Variants in ITPRID1 observed in about 807,000 individuals in gnomAD.
ITPRID1 encodes ITPR interacting domain containing 1.
In ITPRID1, 96 loss-of-function variants were observed where a neutral mutation model predicts 95.4. That is an observed-to-expected ratio of 1.01 (90% CI 0.85 to 1.19). The LOEUF (loss-of-function observed/expected upper bound fraction) is 1.19. ITPRID1 is among the 50% of genes most tolerant of loss of function. The probability of loss-of-function intolerance (pLI) is 0.00; values close to 1 mark genes in which losing one functional copy is unlikely to be tolerated. For missense variants in ITPRID1, 1,339 were observed against 1,252.9 expected (o/e 1.07, Z -1.04); for synonymous variants, 510 against 453.6 (o/e 1.12, Z -1.58).
chr7:31,558,330 A>G (rs1784518604), intron 5 of ITPRID1, among the ~76,000 whole-genome samples: 2 of 152,176 alleles, frequency 1.3e-5, no homozygotes, highest in African/African-American at 2.4e-5. Flanking sequence ...CCCCATCCAC[A>G]TCCCTGTTAG....
intron 10 of ITPRID1, among the ~76,000 whole-genome samples, chr7:31,632,164 A>G (rs1789062961): frequency 6.6e-6 from 1 of 152,178 alleles, no homozygotes; most frequent in South Asian, 2.1e-4. Context: ...TATCCTTGAC[A>G]GAGGCAGGGC....
At chr7:31,564,343 T>G (rs1784723368) in intron 5 of ITPRID1, among the ~76,000 whole-genome samples, 1 of 151,830 alleles carries the variant, frequency 6.6e-6, no homozygotes, top group African/African-American at 2.4e-5. Context: ...GTGGGAAAAA[T>G]TTTTTTCTCA....
At chr7:31,608,881 T>G (rs1264083734) in intron 10 of ITPRID1, among the ~76,000 whole-genome samples, 2 of 151,490 alleles carry the variant, frequency 1.3e-5, no homozygotes, top group African/African-American at 2.4e-5. Context: ...GAGGAGAGAG[T>G]GGACATCCTT....
In ITPRID1 at chr7:31,547,468, C is replaced by T. The variant is rs1481198322; in HGVS notation, c.-97-1958C>T. On this transcript the variant is annotated intron_variant, in intron 1 of 14. Transcript: ENST00000615280. ...AGTGCAGAGCAAAGTGGGGGAAAGCCCCCTAAAAAGCCAACAGATCTCATG... is the reference window on the plus strand; with the variant it reads ...AGTGCAGAGCAAAGTGGGGGAAAGCTCCCTAAAAAGCCAACAGATCTCATG... Among the ~76,000 whole-genome samples, 3 of 123,584 alleles carry T rather than the reference C, an allele frequency of 2.4e-5. No individual in the cohort carries two copies. The Admixed American group carries it at 2.5e-4, about 10-fold the overall frequency. 81.1% of individuals were successfully genotyped at this position (123,584 alleles called of 152,430 possible). A position where few individuals can be genotyped will look rare whatever the true frequency, so the allele number is the denominator to read the frequency against.
chr7:31,598,825 C>G (rs976483457), intron 10 of ITPRID1, among the ~76,000 whole-genome samples: 1 of 151,986 alleles, frequency 6.6e-6, no homozygotes, highest in Non-Finnish European at 1.5e-5. Flanking sequence ...AAAGCTTTAC[C>G]CTGTTATAAT....
chr7:31,556,042 C>T (rs989317860), intron 5 of ITPRID1, among the ~76,000 whole-genome samples: 4 of 152,102 alleles, frequency 2.6e-5, no homozygotes, highest in African/African-American at 9.7e-5. Flanking sequence ...TCATATCCCC[C>T]TAATGTTTTC....
At chr7:31,580,247 G>A (rs571053648) in intron 9 of ITPRID1, among the ~76,000 whole-genome samples, 7 of 145,224 alleles carry the variant, frequency 4.8e-5, no homozygotes, top group South Asian at 2.2e-4. Context: ...GCAGTGAGCC[G>A]AGATCGCACC....
At chr7:31,581,799 CTTT>C (rs1785414577) in intron 9 of ITPRID1, among the ~76,000 whole-genome samples, 2 of 151,702 alleles carry the variant, frequency 1.3e-5, no homozygotes, top group Admixed American at 1.3e-4. Context: ...ATAGCAAAAA[CTTT>C]TTATTACACT....
chr7:31,571,995 C>A, intron 6 of ITPRID1, 107 bp from the exon 7 acceptor site: 2 of 710,410 alleles, frequency 2.8e-6, no homozygotes, highest in Non-Finnish European at 4.8e-6. Context: ...TTATTAGAGA[C>A]TAAGAGGAAA....
chr7:31,632,950 G>T (rs531131869), intron 10 of ITPRID1, among the ~76,000 whole-genome samples: 1 of 151,882 alleles, frequency 6.6e-6, no homozygotes, highest in Admixed American at 6.6e-5. Context: ...GCTGTGGCGC[G>T]ATCTTGGCTC....
intron 1 of ITPRID1, among the ~76,000 whole-genome samples, chr7:31,516,517 GAGTT>G (rs1469033524): frequency 1.3e-5 from 2 of 152,194 alleles, no homozygotes; most frequent in African/African-American, 2.4e-5. Context: ...CAATGTGGCT[GAGTT>G]AGAGATGCCA....
At chr7:31,542,564 C>CT (rs1393095163) in intron 1 of ITPRID1, among the ~76,000 whole-genome samples, 1 of 152,034 alleles carries the variant, frequency 6.6e-6, no homozygotes, top group Non-Finnish European at 1.5e-5. Context: ...AACAAACTTC[C>CT]TTTATGTCTG....
Position 31,557,540 on chromosome 7 carries a change from G to A in ITPRID1, c.256+2639G>A, listed in dbSNP as rs182409528. ...ATCTCAAATCTCATTTTTATTAAGC[G>A]GGAATCTGGTTGGCCCATTTTGTAC... On this transcript the variant is annotated intron_variant, in intron 5 of 14. Transcript: ENST00000615280. Among the ~76,000 whole-genome samples, 188 of 152,190 alleles carry A rather than the reference G, an allele frequency of 1.2e-3. No homozygotes were observed. In the Middle Eastern group the frequency reaches 0.017, roughly 14 times the overall value.
At chr7:31,539,936 A>T (rs1237060209) in intron 1 of ITPRID1, among the ~76,000 whole-genome samples, 1 of 151,698 alleles carries the variant, frequency 6.6e-6, no homozygotes, top group East Asian at 1.9e-4. Flanking sequence ...CTGGTCGGAG[A>T]TGTTATTTAT....
intron 10 of ITPRID1, among the ~76,000 whole-genome samples, chr7:31,621,850 T>C (rs957571291): frequency 2.6e-5 from 4 of 151,802 alleles, no homozygotes; most frequent in African/African-American, 9.7e-5. Flanking sequence ...GTGTGTTGTA[T>C]TCAGGAAACC....
intron 10 of ITPRID1, among the ~76,000 whole-genome samples, chr7:31,623,519 A>G (rs1262203691): frequency 1.3e-5 from 2 of 151,794 alleles, no homozygotes; most frequent in Admixed American, 1.3e-4. Flanking sequence ...GATTATCTCA[A>G]TAGATGCAGA....
chr7:31,621,279 A>G (rs1247950618), intron 10 of ITPRID1, among the ~76,000 whole-genome samples: 2 of 97,938 alleles, frequency 2.0e-5, no homozygotes, highest in Non-Finnish European at 2.1e-5. Flanking sequence ...ACTCCTCGAG[A>G]AGAGCAACTC....
At chr7:31,564,712 C>A (rs1784738098) in intron 5 of ITPRID1, among the ~76,000 whole-genome samples, 2 of 152,138 alleles carry the variant, frequency 1.3e-5, no homozygotes, top group Admixed American at 1.3e-4. Flanking sequence ...CTGCTCTGAT[C>A]TGAGGTAGCA....
intron 14 of ITPRID1, 112 bp from the exon 15 acceptor site, chr7:31,652,406 G>T: frequency 6.9e-7 from 1 of 1,443,620 alleles, no homozygotes; most frequent in South Asian, 1.5e-5. Context: ...GGCTCAAAGA[G>T]CCCATTCTAG....
Sources: gnomAD v4.1 joint callset for allele counts (sites outside exome capture counted in the v4.1 genomes callset) on GRCh38, gnomAD v4.1.1 for gene constraint, MANE v1.5 for transcripts, NCBI Gene and HGNC (gene_info 2026-07-23, HGNC 2026-07-21) for gene names.